NOD1: variants seen among roughly 807,000 people sequenced by gnomAD.
NOD1 encodes the protein nucleotide-binding oligomerization domain-containing protein 1.
A neutral mutation model predicts 81.2 loss-of-function variants in NOD1; 70 were observed. The ratio of observed to expected loss-of-function variants is 0.86; its 90% CI spans 0.71 to 1.05. The LOEUF is 1.05. Among genes scored for constraint, NOD1 ranks in the 50% least tolerant of loss-of-function variants. NOD1 has a pLI of 0.00. For synonymous variants in NOD1, 508 were observed against 526.9 expected, an observed-to-expected ratio of 0.96 and a Z score of 0.49; for missense variants, 1,233 against 1,228.0, an observed-to-expected ratio of 1.00 and a Z score of -0.06.
intron 13 of NOD1, 69 bp from the exon 14 acceptor site, chr7:30,425,779 GGT>G: frequency 1.9e-6 from 2 of 1,061,394 alleles, no homozygotes; most frequent in South Asian, 2.5e-5. Context: ...TCCTTCCCAA[GGT>G]GTGTTCATAG....
At chr7:30,450,399 G>T (rs1234932098) in intron 6 of NOD1, among the ~76,000 whole-genome samples, 4 of 152,214 alleles carry the variant, frequency 2.6e-5, no homozygotes, top group African/African-American at 7.2e-5. Context: ...CTGGGAGTCA[G>T]TTCCAAATCC....
chr7:30,453,019 A>C lies in NOD1; in HGVS notation c.398T>G (p.Leu133Arg), dbSNP rs1421513494. The C allele has an allele frequency of 6.2e-7, 1 of 1,611,018 alleles. No individual in the cohort carries two copies. Among genetic ancestry groups the C allele is most frequent in the Non-Finnish European group, 8.5e-7 (1 of 1,178,324 alleles). The change falls in exon 6 of 14, where the codon CTG becomes CGG. Residue 133 changes from leucine (L) to arginine (R), a missense_variant. By Grantham distance (102) the Leu-to-Arg change is moderately radical. Coordinates refer to ENST00000222823, the MANE Select transcript of NOD1 (RefSeq NM_006092.4). ...GGAGTCACGGCCCAGATGGTGTCGCAGCTGCTGGGTATACCTGCTCACTGG... is the reference window on the plus strand; with the variant it reads ...GGAGTCACGGCCCAGATGGTGTCGCCGCTGCTGGGTATACCTGCTCACTGG... ...TDPVSRYTQQ[L>R]RHHLGRDSKF...
chr7:30,453,188 G>C, intron 5 of NOD1, 148 bp from the exon 6 acceptor site: 2 of 790,278 alleles, frequency 2.5e-6, no homozygotes, highest in Non-Finnish European at 3.9e-6. Flanking sequence ...CTCCTCAGAT[G>C]CAGGACCTGG....
Position 30,451,829 on chromosome 7 carries a change from C to G in NOD1, c.1588G>C (p.Val530Leu), listed in dbSNP as rs568493389. 6.2e-7 allele frequency: 1 copy of G among 1,613,646 alleles called. No homozygotes were observed. Among genetic ancestry groups the G allele is most frequent in the African/African-American group, 1.3e-5 (1 of 74,914 alleles). Residue 530 changes from valine to leucine, a missense_variant, in exon 6 of 14, where the codon GTG (valine) becomes CTG (leucine). Val to Leu is a conservative substitution (Grantham distance 32). Transcript: ENST00000222823. The surrounding 1 kb of genome is among the most constrained non-coding windows in gnomAD (Gnocchi z 4.2). Reference sequence around the variant, plus strand: ...TGAGTGCCCACCCTGTCGTCCAGCACGAGGAAGAAGGCTGTAAAGAAGGCC... The same window carrying G: ...TGAGTGCCCACCCTGTCGTCCAGCAGGAGGAAGAAGGCTGTAAAGAAGGCC... ...LQAFFTAFFLVLDDRVGTQEL... is the reference protein window; with the variant it reads ...LQAFFTAFFLLLDDRVGTQEL...
chr7:30,468,888 G>A (rs1297223788), intron 1 of NOD1: 1 of 985,292 alleles, frequency 1.0e-6, no homozygotes, highest in Non-Finnish European at 1.2e-6. Context: ...GAACTGCTTG[G>A]ATGTTCAGGG....
intron 1 of NOD1, among the ~76,000 whole-genome samples, chr7:30,471,123 A>T (rs954714940): frequency 2.7e-5 from 4 of 149,170 alleles, no homozygotes; most frequent in Admixed American, 2.6e-4. Flanking sequence ...ACCCCATTGA[A>T]CATGTATACA....
In NOD1 at chr7:30,425,484, T is replaced by G. The variant is rs534589544; in HGVS notation, c.*154A>C. ...TAGGGAGTTTGCCGACCAGACCTTC[T>G]GCACAGGAAGCTGGCTTGCATCATG... On this transcript the variant is annotated 3_prime_UTR_variant, in exon 14 of 14. Coordinates refer to ENST00000222823, the MANE Select transcript of NOD1 (RefSeq NM_006092.4). 6.1e-5 allele frequency: 40 copies of G among 651,346 alleles called. No individual in the cohort carries two copies. The highest frequency in any genetic ancestry group is 9.5e-5 in the Non-Finnish European group (34 of 359,296). The allele number at this position is 651,346 out of a possible 1,614,324, so 40.3% of individuals were successfully genotyped here.
At chr7:30,449,382 T>A (rs564403878) in intron 6 of NOD1, among the ~76,000 whole-genome samples, 1 of 152,188 alleles carries the variant, frequency 6.6e-6, no homozygotes, top group Admixed American at 6.5e-5. Flanking sequence ...GCTGGGCCCA[T>A]CTCATTAAAT....
chr7:30,459,297 A>G (rs1397033982), intron 2 of NOD1, 57 bp from the exon 3 acceptor site: 1 of 152,660 alleles, frequency 6.6e-6, no homozygotes. Flanking sequence ...GAATGAATGA[A>G]TAAAATTGGC....
At chr7:30,427,817 C>T (rs924633973) in intron 13 of NOD1, among the ~76,000 whole-genome samples, 5 of 152,248 alleles carry the variant, frequency 3.3e-5, no homozygotes, top group African/African-American at 1.2e-4. Context: ...GCCTGACCAG[C>T]TACAGAGAAA....
rs756979543 is a variant in NOD1 at position 30,447,022 on chromosome 7, C to T, written c.2314G>A (p.Gly772Arg). ...GLYNNQITDV[G>R]ARYVTKILDE... ...AGGATTTTGGTGACGTACCTGGCTCCGACATCGGTGATCTGGTTGTTGTAT... is the reference window on the plus strand; with the variant it reads ...AGGATTTTGGTGACGTACCTGGCTCTGACATCGGTGATCTGGTTGTTGTAT... The change falls in exon 8 of 14, where the codon GGA (glycine) becomes AGA (arginine). Residue 772 changes from glycine to arginine, a missense_variant. Coordinates refer to ENST00000222823, the MANE Select transcript of NOD1 (RefSeq NM_006092.4). The T allele has an allele frequency of 2.4e-5, 38 of 1,613,992 alleles. 1 individual carries two copies. In the South Asian group the frequency reaches 3.0e-4, roughly 13 times the overall value.
chr7:30,429,226 C>CTAT, intron 13 of NOD1, 148 bp downstream of exon 13: 1 of 723,260 alleles, frequency 1.4e-6, no homozygotes, highest in Non-Finnish European at 2.5e-6. Flanking sequence ...GGGCCTCTGT[C>CTAT]TACCTCTGTA....
chr7:30,437,713 C>A, intron 9 of NOD1, 57 bp from the exon 10 acceptor site: 1 of 1,317,850 alleles, frequency 7.6e-7, no homozygotes, highest in Admixed American at 3.3e-5. Context: ...CCATGCTCAC[C>A]CCTCCTTTTT....
chr7:30,427,739 C>T (rs1783578586), intron 13 of NOD1, among the ~76,000 whole-genome samples: 1 of 152,216 alleles, frequency 6.6e-6, no homozygotes, highest in Non-Finnish European at 1.5e-5. Context: ...AATGGTGACC[C>T]TCAAGAGGGA....
In NOD1 at chr7:30,429,383, G is replaced by T; in HGVS notation, c.2780C>A (p.Thr927Lys). 6.2e-7 allele frequency: 1 copy of T among 1,613,644 alleles called. No homozygotes were observed. Among genetic ancestry groups the T allele is most frequent in the Non-Finnish European group, 8.5e-7 (1 of 1,179,498 alleles). ...AACGCTGGGATCTTACCAAATCTCT[G>T]TTATGCCAGTGTTGCTCTGTAACGC... is the stretch of plus-strand genomic sequence containing the variant. Reference protein sequence around the residue: ...ADALQSNTGITEICLNGNLIK... With the variant: ...ADALQSNTGIKEICLNGNLIK... Residue 927 changes from threonine (T) to lysine (K), a missense_variant, in exon 13 of 14, where the codon ACA becomes AAA. Coordinates refer to ENST00000222823, the MANE Select transcript of NOD1 (RefSeq NM_006092.4).
At chr7:30,457,489 A>T (rs1786503853) in intron 3 of NOD1, among the ~76,000 whole-genome samples, 3 of 152,124 alleles carry the variant, frequency 2.0e-5, no homozygotes, top group South Asian at 4.2e-4. Flanking sequence ...AAGAAAAAAA[A>T]TCATAATTTA....
At position 30,460,491 on chromosome 7, in the gene NOD1, A is replaced by C. The variant is rs910213481; in HGVS notation, c.-351-450T>G. 14 of 985,314 alleles carry C rather than the reference A, an allele frequency of 1.4e-5. No individual in the cohort carries two copies. The African/African-American group carries it at 2.4e-4, about 17-fold the overall frequency. The allele number at this position is 985,314 out of a possible 1,614,324, so 61.0% of individuals were successfully genotyped here. A position where few individuals can be genotyped will look rare whatever the true frequency, so the allele number is the denominator to read the frequency against. On this transcript the variant is annotated intron_variant, in intron 1 of 13. Transcript: ENST00000222823. ...TGGAGCTTTCCCAGGCCAGTGGTGC[A>C]GACCAATGGGGACTGAAGTTGGAGA...
At chr7:30,434,450 C>T (rs895696173) in intron 11 of NOD1, among the ~76,000 whole-genome samples, 1 of 152,118 alleles carries the variant, frequency 6.6e-6, no homozygotes, top group Non-Finnish European at 1.5e-5. Context: ...ACAGCCCTAC[C>T]ATAATAAAGA....
chr7:30,462,945 T>C (rs1423824886), intron 1 of NOD1, among the ~76,000 whole-genome samples: 2 of 110,770 alleles, frequency 1.8e-5, no homozygotes, highest in African/African-American at 7.2e-5. Flanking sequence ...TGAGACTCCA[T>C]CTCAAAAAAA....
Sources: allele counts gnomAD v4.1 joint callset (sites outside exome capture counted in the v4.1 genomes callset), GRCh38; gene constraint gnomAD v4.1.1; non-coding constraint Gnocchi (gnomAD v3.1); transcripts MANE v1.5; gene names NCBI Gene and HGNC (gene_info 2026-07-23, HGNC 2026-07-21).